Variants in CFAP74 observed in about 807,000 individuals in gnomAD.
CFAP74 encodes cilia- and flagella-associated protein 74.
In CFAP74, 124 loss-of-function variants were observed where a neutral mutation model predicts 188.9. That is an observed-to-expected ratio of 0.66 (90% CI 0.57 to 0.76). The LOEUF (loss-of-function observed/expected upper bound fraction) is 0.76, where lower values mean the gene tolerates loss of function less well. CFAP74 is among the 30% of genes least tolerant of loss of function. The probability of loss-of-function intolerance (pLI) is 0.00; values close to 1 mark genes in which losing one functional copy is unlikely to be tolerated. For missense variants in CFAP74, 2,198 were observed against 2,165.2 expected (o/e 1.02, Z -0.30); for synonymous variants, 956 against 916.7 (o/e 1.04, Z -0.77).
chr1:1,930,455 G>A (rs116440022), intron 25 of CFAP74, 119 bp from the exon 26 acceptor site: 14 of 982,060 alleles, frequency 1.4e-5, no homozygotes, highest in Admixed American at 6.1e-5. Flanking sequence ...GGACATGCAC[G>A]TTCCTGCTGC....
chr1:1,977,331 A>C, intron 6 of CFAP74, among the ~76,000 whole-genome samples: 1 of 152,164 alleles, frequency 6.6e-6, no homozygotes, highest in East Asian at 1.9e-4. Flanking sequence ...GGGTATCTGC[A>C]CACATCTGAG....
At chr1:1,932,098 A>AC (rs1557993362) in intron 25 of CFAP74, among the ~76,000 whole-genome samples, 22 of 123,320 alleles carry the variant, frequency 1.8e-4, no homozygotes, top group African/African-American at 5.5e-4. Context: ...AAAAAACAAA[A>AC]AACTTAGAAA....
At chr1:1,950,661 G>T (rs1445409642) in intron 18 of CFAP74, among the ~76,000 whole-genome samples, 2 of 152,094 alleles carry the variant, frequency 1.3e-5, no homozygotes, top group East Asian at 3.8e-4. Flanking sequence ...TTTTGACTGG[G>T]TTATTTTCCA....
intron 23 of CFAP74, 101 bp downstream of exon 23, chr1:1,940,215 C>G (rs959032996): frequency 5.5e-5 from 50 of 907,622 alleles, no homozygotes; most frequent in Non-Finnish European, 7.6e-5. Context: ...TGAGGATGAG[C>G]CCTTTTGGGG....
intron 1 of CFAP74, among the ~76,000 whole-genome samples, chr1:2,001,142 T>A (rs1329675643): frequency 6.6e-6 from 1 of 151,942 alleles, no homozygotes; most frequent in Non-Finnish European, 1.5e-5. Context: ...CAGAGCTGGA[T>A]GTCAGAGCCT....
intron 13 of CFAP74, 90 bp downstream of exon 13, chr1:1,964,798 G>C (rs574502973): frequency 1.1e-5 from 16 of 1,444,842 alleles, no homozygotes; most frequent in African/African-American, 1.4e-5. Context: ...TCAAAAAAAA[G>C]CAAAAGGTGT....
At chr1:1,960,643 C>T (rs966919613) in intron 14 of CFAP74, among the ~76,000 whole-genome samples, 2 of 152,244 alleles carry the variant, frequency 1.3e-5, no homozygotes, top group Admixed American at 1.3e-4. Flanking sequence ...ACCTAATGTG[C>T]TTGGTTTAGA....
At chr1:1,922,833 C>T (rs1263778946) in intron 37 of CFAP74, 110 bp from the exon 38 acceptor site, 16 of 1,483,474 alleles carry the variant, frequency 1.1e-5, no homozygotes, top group East Asian at 2.3e-5. Context: ...TCTGACCAGG[C>T]TGCCCACCCC....
intron 26 of CFAP74, 82 bp from the exon 27 acceptor site, chr1:1,928,964 T>A (rs895089444): frequency 8.7e-6 from 8 of 917,320 alleles, no homozygotes; most frequent in African/African-American, 4.9e-5. Flanking sequence ...TACCGTCCTC[T>A]GCCCGTGGAC....
Position 1,955,827 on chromosome 1 carries a change from A to C in CFAP74, c.2040T>G (p.Asp680Glu). Reference sequence around the variant, plus strand: ...TGGCGGCTTTGTCATACAAGCTTTTATCTTCGTAGGTCAGGAGACTGCTCT... The same window carrying C: ...TGGCGGCTTTGTCATACAAGCTTTTCTCTTCGTAGGTCAGGAGACTGCTCT... ...LKLSSLLTYE[D>E]KSLYDKAATS... The change falls in exon 18 of 39, where the codon GAT (aspartate) becomes GAG (glutamate). Residue 680 changes from aspartate to glutamate, a missense_variant. By Grantham distance (45) the Asp-to-Glu change is conservative. Transcript: ENST00000682832. The C allele has an allele frequency of 6.2e-7, 1 of 1,613,730 alleles. No homozygotes were observed. Among genetic ancestry groups the C allele is most frequent in the Non-Finnish European group, 8.5e-7 (1 of 1,180,010 alleles).
At chr1:1,931,465 A>G (rs1429156505) in intron 25 of CFAP74, among the ~76,000 whole-genome samples, 2 of 128,494 alleles carry the variant, frequency 1.6e-5, no homozygotes, top group East Asian at 2.4e-4. Flanking sequence ...GTTCGGGCAC[A>G]GTGGCTCACG....
chr1:1,995,927 AAAC>A (rs772907070), intron 1 of CFAP74, among the ~76,000 whole-genome samples: 12 of 152,100 alleles, frequency 7.9e-5, no homozygotes, highest in Admixed American at 7.2e-4. Context: ...AACAAAATGA[AAAC>A]AACAACAACA....
chr1:1,960,343 A>T (rs1654995293), intron 14 of CFAP74, among the ~76,000 whole-genome samples: 1 of 152,258 alleles, frequency 6.6e-6, no homozygotes, highest in African/African-American at 2.4e-5. Flanking sequence ...AGAGGGCCAC[A>T]GTTCCCCTGG....
rs1223310572 is a variant in CFAP74 at position 1,973,758 on chromosome 1, G to T, written c.674+267C>A. On this transcript the variant is annotated intron_variant, in intron 7 of 38. Coordinates refer to ENST00000682832, the MANE Select transcript of CFAP74 (RefSeq NM_001304360.2). The surrounding 1 kb of genome is among the most constrained non-coding windows in gnomAD (Gnocchi z 6.2). ...GGAGGGGCAGTCTTGCTGGAGCGTG[G>T]CTTTAGTAGCCAGCTTTAGCGGCTG... Among the ~76,000 whole-genome samples, 2 of 152,098 alleles carry T rather than the reference G, an allele frequency of 1.3e-5. No individual in the cohort carries two copies. The highest frequency in any genetic ancestry group is 2.9e-5 in the Non-Finnish European group (2 of 68,008).
chr1:1,959,542 A>G (rs1654917427), intron 15 of CFAP74, among the ~76,000 whole-genome samples: 1 of 152,220 alleles, frequency 6.6e-6, no homozygotes, highest in African/African-American at 2.4e-5. Flanking sequence ...CTGGGATTAC[A>G]GGCATAAGCC....
intron 1 of CFAP74, among the ~76,000 whole-genome samples, chr1:1,993,912 G>A (rs936553509): frequency 1.3e-5 from 2 of 150,638 alleles, no homozygotes; most frequent in Admixed American, 6.6e-5. Flanking sequence ...AACCCGGGAG[G>A]CGGAGCTTGC....
intron 28 of CFAP74, chr1:1,927,384 C>T: frequency 1.7e-6 from 1 of 587,544 alleles, no homozygotes; most frequent in South Asian, 2.1e-5. Context: ...TGCTCCCCAC[C>T]CGTGGATTGA....
At chr1:1,939,265 G>A (rs972657013) in intron 24 of CFAP74, among the ~76,000 whole-genome samples, 4 of 152,240 alleles carry the variant, frequency 2.6e-5, no homozygotes, top group East Asian at 1.9e-4. Context: ...TGTTGGCGGC[G>A]GGGCAGCCCA....
Position 1,942,196 on chromosome 1 carries a change from TCGTGA to T in CFAP74, c.2487-45_2487-41del. On this transcript the variant is annotated intron_variant, in intron 21 of 38. Coordinates refer to ENST00000682832, the MANE Select transcript of CFAP74 (RefSeq NM_001304360.2). This position sits in a 1 kb window ranked among gnomAD's most constrained non-coding sequence, Gnocchi z 4.3. Reference sequence around the variant, plus strand: ...CAGGGCACTGGGTCAGGTGCCACAGTCGTGATTCTGTGTGCGCTCAATGCCTGGAG... The same window carrying T: ...CAGGGCACTGGGTCAGGTGCCACAGTTTCTGTGTGCGCTCAATGCCTGGAG... 1 of 1,446,484 alleles carries T rather than the reference TCGTGA, an allele frequency of 6.9e-7. No homozygotes were observed. Among genetic ancestry groups the T allele is most frequent in the Non-Finnish European group, 9.1e-7 (1 of 1,101,726 alleles). The allele number at this position is 1,446,484 out of a possible 1,614,324, so 89.6% of individuals were successfully genotyped here. A position where few individuals can be genotyped will look rare whatever the true frequency, so the allele number is the denominator to read the frequency against.
Sources: gnomAD v4.1 joint callset for allele counts (sites outside exome capture counted in the v4.1 genomes callset) on GRCh38, gnomAD v4.1.1 for gene constraint, Gnocchi (gnomAD v3.1) non-coding constraint, MANE v1.5 for transcripts, NCBI Gene and HGNC (gene_info 2026-07-23, HGNC 2026-07-21) for gene names.